WDR7: variants seen among roughly 807,000 people sequenced by gnomAD.
WDR7 encodes WD repeat domain 7, also known as WD repeat-containing protein 7.
Under a neutral mutation model 169.4 loss-of-function variants are expected in WDR7, and 46 were observed. The observed-to-expected ratio is 0.27, with a 90% CI of 0.21 to 0.35. The LOEUF (loss-of-function observed/expected upper bound fraction) is 0.35. WDR7 is among the 10% of genes least tolerant of loss of function. WDR7 has a pLI of 1.00. For missense variants in WDR7, 1,534 were observed against 1,859.3 expected (o/e 0.83, Z 3.22); for synonymous variants, 612 against 666.8 (o/e 0.92, Z 1.27).
At chr18:56,987,768 T>A (rs1426316746) in intron 26 of WDR7, among the ~76,000 whole-genome samples, 3 of 152,218 alleles carry the variant, frequency 2.0e-5, no homozygotes, top group Non-Finnish European at 2.9e-5. Flanking sequence ...GTTACTTTGT[T>A]AAAATCGTAC....
At chr18:56,975,057 G>A (rs1487113634) in intron 26 of WDR7, among the ~76,000 whole-genome samples, 1 of 152,040 alleles carries the variant, frequency 6.6e-6, no homozygotes, top group East Asian at 1.9e-4. Context: ...GGCTAACATG[G>A]TGAAACCCCG....
At chr18:56,707,001 A>ATTT (rs1210233015) in intron 12 of WDR7, among the ~76,000 whole-genome samples, 165 of 122,118 alleles carry the variant, frequency 1.4e-3, no homozygotes, top group African/African-American at 4.5e-3. Flanking sequence ...TTTTTTTTTG[A>ATTT]GAGAGAGTCT....
chr18:56,777,385 T>C (rs182454290), intron 17 of WDR7, among the ~76,000 whole-genome samples: 13 of 152,296 alleles, frequency 8.5e-5, no homozygotes, highest in African/African-American at 3.1e-4. Context: ...TTTACCCTCT[T>C]TACTATTTCT....
intron 14 of WDR7, among the ~76,000 whole-genome samples, chr18:56,738,484 G>T (rs2144839733): frequency 6.6e-6 from 1 of 152,276 alleles, no homozygotes; most frequent in East Asian, 1.9e-4. Flanking sequence ...CTTGAGCCCA[G>T]GAGGTTGAGG....
chr18:56,906,544 CTTT>C (rs71171005), intron 21 of WDR7, among the ~76,000 whole-genome samples: 19 of 119,418 alleles, frequency 1.6e-4, no homozygotes, highest in Non-Finnish European at 1.3e-4. Flanking sequence ...TTCTTTCCTT[CTTT>C]TTTTTTTTTT....
intron 26 of WDR7, among the ~76,000 whole-genome samples, chr18:56,964,741 T>C (rs1323900244): frequency 6.6e-6 from 1 of 152,152 alleles, no homozygotes; most frequent in African/African-American, 2.4e-5. Flanking sequence ...CTTCTTGATT[T>C]TGATACCCAA....
chr18:56,841,062 G>A (rs952646693), intron 20 of WDR7, among the ~76,000 whole-genome samples: 4 of 151,626 alleles, frequency 2.6e-5, no homozygotes, highest in African/African-American at 9.7e-5. Context: ...GCTTGGTGGT[G>A]GGCACCTGTA....
chr18:56,880,821 TGTTAATAATA>T (rs1478761976), intron 21 of WDR7, among the ~76,000 whole-genome samples: 2 of 152,204 alleles, frequency 1.3e-5, no homozygotes. Flanking sequence ...GTGCTTGGTA[TGTTAATAATA>T]GGTAAGGGTG....
At chr18:56,731,899 C>T (rs892751264) in intron 14 of WDR7, among the ~76,000 whole-genome samples, 10 of 152,042 alleles carry the variant, frequency 6.6e-5, no homozygotes, top group Admixed American at 5.2e-4. Flanking sequence ...GGTAGTCTTT[C>T]TGTTGAAAGA....
chr18:56,922,847 A>G (rs898850988), intron 21 of WDR7, among the ~76,000 whole-genome samples: 1 of 152,158 alleles, frequency 6.6e-6, no homozygotes, highest in Non-Finnish European at 1.5e-5. Context: ...AAAAATTATT[A>G]TATACTTTTG....
At chr18:56,860,149 C>CT (rs1342462975) in intron 20 of WDR7, among the ~76,000 whole-genome samples, 4 of 152,144 alleles carry the variant, frequency 2.6e-5, no homozygotes, top group Non-Finnish European at 5.9e-5. Context: ...CCTCTGCTGA[C>CT]TGGAAGCACA....
chr18:57,004,553 C>G (rs2048028637), intron 26 of WDR7, among the ~76,000 whole-genome samples: 1 of 152,112 alleles, frequency 6.6e-6, no homozygotes, highest in Non-Finnish European at 1.5e-5. Context: ...TCCAAACAAA[C>G]TTTAGGACCT....
chr18:56,771,438 A>T (rs2044154693), intron 16 of WDR7, among the ~76,000 whole-genome samples: 1 of 151,578 alleles, frequency 6.6e-6, no homozygotes, highest in Admixed American at 6.6e-5. Flanking sequence ...ATGTGTAGGA[A>T]AGGTGGAGCG....
intron 20 of WDR7, among the ~76,000 whole-genome samples, chr18:56,841,816 G>A (rs1732456067): frequency 6.6e-6 from 1 of 152,036 alleles, no homozygotes; most frequent in Non-Finnish European, 1.5e-5. Context: ...AGACTCCAGA[G>A]TTAGGATGCT....
intron 26 of WDR7, among the ~76,000 whole-genome samples, chr18:56,980,677 G>A (rs1013534526): frequency 2.0e-5 from 3 of 152,250 alleles, no homozygotes; most frequent in African/African-American, 7.2e-5. Context: ...TCCAACCTTT[G>A]TAAGAAAGTG....
At chr18:56,660,062 A>T (rs1415502278) in intron 1 of WDR7, among the ~76,000 whole-genome samples, 1 of 152,084 alleles carries the variant, frequency 6.6e-6, no homozygotes, top group African/African-American at 2.4e-5. Context: ...TTACTGATGG[A>T]TTGGGATGTG....
chr18:56,992,609 G>A (rs879356624), intron 26 of WDR7, among the ~76,000 whole-genome samples: 4 of 152,156 alleles, frequency 2.6e-5, no homozygotes, highest in African/African-American at 7.2e-5. Context: ...AGGGCCACAC[G>A]GAACATATAA....
At chr18:56,672,354 TG>T (rs2025154212) in intron 1 of WDR7, 142 bp from the exon 2 acceptor site, 3 of 623,132 alleles carry the variant, frequency 4.8e-6, no homozygotes, top group Non-Finnish European at 7.0e-6. Context: ...CGTTTTTTTT[TG>T]AAAATAATAA....
intron 12 of WDR7, among the ~76,000 whole-genome samples, chr18:56,708,030 CT>C (rs752679794): frequency 0.011 from 1,448 of 132,792 alleles, 17 homozygotes; most frequent in African/African-American, 0.033. Flanking sequence ...GTGTTTATTC[CT>C]TTTTTTTTTT....
Sources: allele counts gnomAD v4.1 joint callset (sites outside exome capture counted in the v4.1 genomes callset), GRCh38; gene constraint gnomAD v4.1.1; transcripts MANE v1.5; gene names NCBI Gene and HGNC (gene_info 2026-07-23, HGNC 2026-07-21).